Variants in NETO2 observed in about 807,000 individuals in gnomAD.
NETO2 encodes neuropilin and tolloid like 2.
In NETO2, 28 loss-of-function variants were observed where a neutral mutation model predicts 62.5. The observed-to-expected ratio is 0.45, with a 90% CI of 0.33 to 0.61. The LOEUF is 0.61. NETO2 is among the 20% of genes least tolerant of loss of function. The pLI is 0.02. For synonymous variants in NETO2, 214 were observed against 219.1 expected, an observed-to-expected ratio of 0.98 and a Z score of 0.21; for missense variants, 548 against 643.2, an observed-to-expected ratio of 0.85 and a Z score of 1.60.
At chr16:47,089,975 C>T (rs188688499) in intron 7 of NETO2, among the ~76,000 whole-genome samples, 3 of 152,056 alleles carry the variant, frequency 2.0e-5, no homozygotes, top group South Asian at 2.1e-4. Context: ...TTCACAAAAA[C>T]GGGATGCAGG....
chr16:47,113,072 T>G (rs1002928785), intron 6 of NETO2, among the ~76,000 whole-genome samples: 1 of 152,236 alleles, frequency 6.6e-6, no homozygotes, highest in Non-Finnish European at 1.5e-5. Flanking sequence ...CTTCTCTTTA[T>G]GCACAGGTAT....
At chr16:47,095,908 A>C (rs1963418668) in intron 7 of NETO2, among the ~76,000 whole-genome samples, 1 of 152,224 alleles carries the variant, frequency 6.6e-6, no homozygotes. Context: ...ACGTATGTTC[A>C]GCCACAAAAC....
chr16:47,078,869 T>C lies in NETO2; in HGVS notation c.*4352A>G, dbSNP rs1320751729. 2.0e-5 allele frequency: 3 copies of C among 152,192 alleles called. No individual in the cohort carries two copies. Among genetic ancestry groups the C allele is most frequent in the South Asian group, 4.1e-4 (2 of 4,834 alleles). 9.4% of individuals were successfully genotyped at this position (152,192 alleles called of 1,614,324 possible). A position where few individuals can be genotyped will look rare whatever the true frequency, so the allele number is the denominator to read the frequency against. ...CAAAACTGTAGAACACAATGTTACA[T>C]ACATTTAAAGAAAAGGGGAAATATA... On this transcript the variant is annotated 3_prime_UTR_variant, in exon 9 of 9. Transcript: ENST00000562435.
At chr16:47,117,666 T>C (rs770874585) in intron 6 of NETO2, among the ~76,000 whole-genome samples, 1 of 152,188 alleles carries the variant, frequency 6.6e-6, no homozygotes, top group Non-Finnish European at 1.5e-5. Flanking sequence ...AAATTCAGAT[T>C]TTTCTTTTAG....
intron 6 of NETO2, among the ~76,000 whole-genome samples, chr16:47,110,113 T>TA (rs1163230082): frequency 2.0e-5 from 3 of 152,316 alleles, no homozygotes; most frequent in Non-Finnish European, 2.9e-5. Context: ...TTCTGCACAT[T>TA]AAAAAAACCT....
chr16:47,114,519 C>T (rs1473439324), intron 6 of NETO2, among the ~76,000 whole-genome samples: 1 of 126,654 alleles, frequency 7.9e-6, no homozygotes, highest in Non-Finnish European at 1.6e-5. Context: ...GGCATGATCT[C>T]GGCTCACTGC....
chr16:47,083,682 G>C lies in NETO2; in HGVS notation c.1117C>G (p.Pro373Ala). The C allele has an allele frequency of 6.2e-7, 1 of 1,614,116 alleles. No individual in the cohort carries two copies. Among genetic ancestry groups the C allele is most frequent in the Non-Finnish European group, 8.5e-7 (1 of 1,180,024 alleles). The change falls in exon 9 of 9, where the codon CCT (proline) becomes GCT (alanine). Residue 373 changes from proline (P) to alanine (A), a missense_variant. Physicochemically the swap from Pro to Ala is conservative, Grantham distance 27. Transcript: ENST00000562435. Reference sequence around the variant, plus strand: ...TTGCAAGCCATGACCTTTTTTCGAGGCTGTTTCACTTGTACTAAAATAGAA... The same window carrying C: ...TTGCAAGCCATGACCTTTTTTCGAGCCTGTTTCACTTGTACTAAAATAGAA... ...IISILVQVKQ[P>A]RKKVMACKTA... is the part of the protein sequence containing the mutation.
chr16:47,133,875 A>G (rs1016661629), intron 1 of NETO2, among the ~76,000 whole-genome samples: 3 of 152,218 alleles, frequency 2.0e-5, no homozygotes, highest in Non-Finnish European at 4.4e-5. Context: ...AGTGTATGAC[A>G]TTATCACTTC....
Position 47,078,370 on chromosome 16 carries a change from A to C in NETO2, c.*4851T>G, listed in dbSNP as rs1963012117. The C allele has an allele frequency of 2.0e-5, 3 of 152,222 alleles. No homozygotes were observed. Among genetic ancestry groups the C allele is most frequent in the Admixed American group, 2.0e-4 (3 of 15,280 alleles). 9.4% of individuals were successfully genotyped at this position (152,222 alleles called of 1,614,324 possible). ...CAAAATTCTTTTCTATAAAATGCCA[A>C]ATCTAGGATTAAGCATATTCTCATA... On this transcript the variant is annotated 3_prime_UTR_variant, in exon 9 of 9. Transcript: ENST00000562435.
At chr16:47,102,496 C>T (rs879029181) in intron 7 of NETO2, among the ~76,000 whole-genome samples, 2 of 151,490 alleles carry the variant, frequency 1.3e-5, no homozygotes, top group Admixed American at 1.3e-4. Flanking sequence ...TCACAGTGAA[C>T]AGGCAACCTA....
intron 6 of NETO2, 105 bp from the exon 7 acceptor site, chr16:47,109,816 A>C: frequency 1.4e-6 from 1 of 734,718 alleles, no homozygotes; most frequent in Non-Finnish European, 2.2e-6. Context: ...GACAGCTGAC[A>C]GAAAACCATA....
rs1225872209 is a variant in NETO2 at position 47,080,717 on chromosome 16, TAC to T, written c.*2502_*2503del. The T allele has an allele frequency of 6.6e-6, 1 of 152,190 alleles. No individual in the cohort carries two copies. The highest frequency in any genetic ancestry group is 1.5e-5 in the Non-Finnish European group (1 of 68,018). 9.4% of individuals were successfully genotyped at this position (152,190 alleles called of 1,614,324 possible). On this transcript the variant is annotated 3_prime_UTR_variant, in exon 9 of 9. Transcript: ENST00000562435. ...GGTTCTTTAGTTCTATCCCTGAAAATACAGACTGACCCTAAACCAATGTTCCT... is the reference window on the plus strand; with the variant it reads ...GGTTCTTTAGTTCTATCCCTGAAAATAGACTGACCCTAAACCAATGTTCCT...
intron 7 of NETO2, among the ~76,000 whole-genome samples, chr16:47,104,111 G>A (rs543978618): frequency 4.6e-5 from 7 of 152,240 alleles, no homozygotes; most frequent in African/African-American, 1.7e-4. Context: ...AATCTTATAT[G>A]CAGAAAACCC....
rs528031972 is a variant in NETO2 at position 47,109,202 on chromosome 16, G to A, written c.883+281C>T. ...AGTAAATGCTGCCTGGTATAGTGCC[G>A]TGTGCCTGCAGTCTCAGCTACTTGG... On this transcript the variant is annotated intron_variant, in intron 7 of 8. Transcript: ENST00000562435. Among the ~76,000 whole-genome samples the A allele has an allele frequency of 5.3e-5, 8 of 152,118 alleles. No individual in the cohort carries two copies. The South Asian group carries it at 6.2e-4, about 12-fold the overall frequency.
chr16:47,128,656 AACTG>A, intron 3 of NETO2, 83 bp from the exon 4 acceptor site: 20 of 1,464,416 alleles, frequency 1.4e-5, no homozygotes, highest in Non-Finnish European at 1.8e-5. Flanking sequence ...AAAGCAGAAT[AACTG>A]TTCTGCTAAC....
intron 6 of NETO2, among the ~76,000 whole-genome samples, chr16:47,116,287 A>G (rs994589344): frequency 4.6e-5 from 7 of 151,738 alleles, no homozygotes; most frequent in African/African-American, 1.7e-4. Context: ...TGCCTGGTTT[A>G]GCTGGTAGGT....
chr16:47,103,773 A>G (rs1204250650), intron 7 of NETO2, among the ~76,000 whole-genome samples: 1 of 152,182 alleles, frequency 6.6e-6, no homozygotes, highest in Non-Finnish European at 1.5e-5. Flanking sequence ...ACAGTAAGGG[A>G]AAAAAACTAC....
At chr16:47,123,110 T>C (rs1316457820) in intron 4 of NETO2, among the ~76,000 whole-genome samples, 198 bp from the exon 5 acceptor site, 1 of 152,186 alleles carries the variant, frequency 6.6e-6, no homozygotes, top group Non-Finnish European at 1.5e-5. Context: ...TTTGATTCCA[T>C]AGTGAATAAT....
chr16:47,132,645 T>C (rs896731291), intron 1 of NETO2, among the ~76,000 whole-genome samples: 1 of 152,212 alleles, frequency 6.6e-6, no homozygotes, highest in Non-Finnish European at 1.5e-5. Context: ...GTTTTGTGTA[T>C]GTGGTTTGAA....
Sources: allele counts gnomAD v4.1 joint callset (sites outside exome capture counted in the v4.1 genomes callset), GRCh38; gene constraint gnomAD v4.1.1; transcripts MANE v1.5; gene names NCBI Gene and HGNC (gene_info 2026-07-23, HGNC 2026-07-21).